The following PIK3C2B variants were observed in gnomAD, a reference collection of about 807,000 sequenced individuals.
PIK3C2B encodes the protein phosphatidylinositol-4-phosphate 3-kinase catalytic subunit type 2 beta.
A neutral mutation model predicts 184.3 loss-of-function variants in PIK3C2B; 83 were observed. That is an observed-to-expected ratio of 0.45 (90% CI 0.38 to 0.54). The LOEUF (loss-of-function observed/expected upper bound fraction) is 0.54. PIK3C2B is among the 20% of genes least tolerant of loss of function. The pLI is 0.00. For missense variants in PIK3C2B, 1,736 were observed against 2,113.5 expected, an observed-to-expected ratio of 0.82 and a Z score of 3.50; for synonymous variants, 779 against 837.6, an observed-to-expected ratio of 0.93 and a Z score of 1.21.
At position 204,423,148 on chromosome 1, in the gene PIK3C2B, C is replaced by G. The variant is rs966714441; in HGVS notation, c.*1704G>C. 6.6e-6 allele frequency: 1 copy of G among 152,088 alleles called. No individual in the cohort carries two copies. The highest frequency in any genetic ancestry group is 1.5e-5 in the Non-Finnish European group (1 of 68,002). The allele number at this position is 152,088 out of a possible 1,614,324, so 9.4% of individuals were successfully genotyped here. A position where few individuals can be genotyped will look rare whatever the true frequency, so the allele number is the denominator to read the frequency against. Reference sequence around the variant, plus strand: ...CCCTTTGGAGCGAAACACAAAAGAGCAAATGTAAAATCCATCTGGGGCGGG... The same window carrying G: ...CCCTTTGGAGCGAAACACAAAAGAGGAAATGTAAAATCCATCTGGGGCGGG... On this transcript the variant is annotated 3_prime_UTR_variant, in exon 33 of 33. Coordinates refer to ENST00000684373, the MANE Select transcript of PIK3C2B (RefSeq NM_001377334.1).
At chr1:204,454,626 G>T (rs758170382) in intron 12 of PIK3C2B, 43 bp downstream of exon 12, 1 of 1,607,776 alleles carries the variant, frequency 6.2e-7, no homozygotes, top group Non-Finnish European at 8.5e-7. Context: ...GGCTGAGCAG[G>T]TCTACAGTGG....
At chr1:204,441,669 TC>T in intron 20 of PIK3C2B, 106 bp from the exon 21 acceptor site, 1 of 665,738 alleles carries the variant, frequency 1.5e-6, no homozygotes, top group Non-Finnish European at 2.6e-6. Flanking sequence ...CTGCTGCCGG[TC>T]CACCCAAGAC....
At chr1:204,474,148 C>T (rs888713902) in intron 1 of PIK3C2B, among the ~76,000 whole-genome samples, 1 of 152,174 alleles carries the variant, frequency 6.6e-6, no homozygotes, top group Non-Finnish European at 1.5e-5. Flanking sequence ...TGCGCCACCA[C>T]GCGCAGCTAA....
intron 27 of PIK3C2B, 37 bp downstream of exon 27, chr1:204,432,163 G>T: frequency 6.3e-7 from 1 of 1,577,312 alleles, no homozygotes; most frequent in South Asian, 1.1e-5. Flanking sequence ...GGTCAGCAGA[G>T]AGCAGGAAAG....
At chr1:204,456,891 CA>C (rs1375885707) in intron 10 of PIK3C2B, 145 bp downstream of exon 10, 14 of 525,062 alleles carry the variant, frequency 2.7e-5, no homozygotes, top group South Asian at 1.4e-4. Flanking sequence ...CACACACACA[CA>C]CACACACACA....
intron 31 of PIK3C2B, among the ~76,000 whole-genome samples, chr1:204,426,964 G>A (rs998751632): frequency 1.9e-4 from 29 of 152,114 alleles, no homozygotes; most frequent in Admixed American, 1.0e-3. Context: ...AGTGAAACCC[G>A]GTCTCTAATT....
intron 1 of PIK3C2B, among the ~76,000 whole-genome samples, chr1:204,485,829 C>T (rs1168080209): frequency 6.6e-6 from 1 of 151,980 alleles, no homozygotes; most frequent in East Asian, 1.9e-4. Context: ...CCCCGGCCTC[C>T]CAAAGTGCTA....
chr1:204,447,324 G>T lies in PIK3C2B; in HGVS notation c.2489+112C>A. ...CTGGGGGCTGCCTCCACTTCCTGCT[G>T]AGATGGCAATGCCCACCCCTTCCCA... On this transcript the variant is annotated intron_variant, in intron 15 of 32. Coordinates refer to ENST00000684373, the MANE Select transcript of PIK3C2B (RefSeq NM_001377334.1). This position sits in a 1 kb window ranked among gnomAD's most constrained non-coding sequence, Gnocchi z 4.1. The T allele has an allele frequency of 9.7e-7, 1 of 1,033,294 alleles. No homozygotes were observed. The allele number at this position is 1,033,294 out of a possible 1,614,324, so 64.0% of individuals were successfully genotyped here.
chr1:204,443,726 T>C, intron 18 of PIK3C2B, 129 bp from the exon 19 acceptor site: 2 of 787,182 alleles, frequency 2.5e-6, no homozygotes, highest in Non-Finnish European at 4.3e-6. Flanking sequence ...GGAAAATACA[T>C]TCTGTATGTA....
At position 204,432,090 on chromosome 1, in the gene PIK3C2B, C is replaced by T. The variant is rs61758002; in HGVS notation, c.4155+110G>A. 229 of 975,180 alleles carry T rather than the reference C, an allele frequency of 2.3e-4. No homozygotes were observed. In the African/African-American group the frequency reaches 3.4e-3, roughly 15 times the overall value. 60.4% of individuals were successfully genotyped at this position (975,180 alleles called of 1,614,324 possible). A position where few individuals can be genotyped will look rare whatever the true frequency, so the allele number is the denominator to read the frequency against. On this transcript the variant is annotated intron_variant, in intron 27 of 32. Transcript: ENST00000684373. ...GTCCAGGACTGCTCCCAGCACAGGACGCTCGGTCAACTCCTGTGCCCACTG... is the reference window on the plus strand; with the variant it reads ...GTCCAGGACTGCTCCCAGCACAGGATGCTCGGTCAACTCCTGTGCCCACTG...
At chr1:204,487,307 T>A (rs1267999340) in intron 1 of PIK3C2B, among the ~76,000 whole-genome samples, 4 of 152,228 alleles carry the variant, frequency 2.6e-5, no homozygotes, top group African/African-American at 9.6e-5. Flanking sequence ...TCTCGTTCCA[T>A]TGCTCAAGAT....
rs61762618 is a variant in PIK3C2B at position 204,449,348 on chromosome 1, A to AT, written c.2235-53dup. The stretch of plus-strand genomic sequence containing the variant: ...CTGCTAAAGTGGCTAAGCAGAGAAT[A>AT]TTTCTACTGCTCCCCCAATCCAAAA... On this transcript the variant is annotated intron_variant, in intron 13 of 32. Transcript: ENST00000684373. 2.5e-3 allele frequency: 3,357 copies of AT among 1,324,952 alleles called. 53 individuals carry two copies. The African/African-American group carries it at 0.037, about 15-fold the overall frequency. The allele number at this position is 1,324,952 out of a possible 1,614,324, so 82.1% of individuals were successfully genotyped here. A position where few individuals can be genotyped will look rare whatever the true frequency, so the allele number is the denominator to read the frequency against.
chr1:204,451,776 G>A (rs1459417542), intron 12 of PIK3C2B, among the ~76,000 whole-genome samples: 2 of 152,166 alleles, frequency 1.3e-5, no homozygotes, highest in Non-Finnish European at 1.5e-5. Context: ...ATTTTCATGC[G>A]CACGTATCCC....
chr1:204,426,568 T>C (rs1010772770), intron 31 of PIK3C2B, among the ~76,000 whole-genome samples: 9 of 152,366 alleles, frequency 5.9e-5, no homozygotes, highest in South Asian at 2.1e-4. Flanking sequence ...CTCTGCTTTA[T>C]TTCTTGCCAT....
intron 3 of PIK3C2B, 57 bp downstream of exon 3, chr1:204,465,162 C>CCCCCCA: frequency 1.4e-6 from 1 of 709,968 alleles, no homozygotes; most frequent in Admixed American, 1.9e-5. Context: ...AAATGGATGG[C>CCCCCCA]CCCCCTCCCC....
intron 16 of PIK3C2B, among the ~76,000 whole-genome samples, chr1:204,445,260 C>T (rs1355656145): frequency 6.6e-6 from 1 of 150,768 alleles, no homozygotes; most frequent in Non-Finnish European, 1.5e-5. Flanking sequence ...ATGTGCATGC[C>T]AAAGCAGGGA....
At position 204,440,259 on chromosome 1, in the gene PIK3C2B, GA is replaced by G; in HGVS notation, c.3311del (p.Ile1104ThrfsTer28). On this transcript the variant is annotated frameshift_variant, in exon 22 of 33. Coordinates refer to ENST00000684373, the MANE Select transcript of PIK3C2B (RefSeq NM_001377334.1). LOFTEE classifies it high-confidence loss of function. ...GCATGTCCAGCCCCTCCTGGACCCAGATCTTGCTCATGATGCGAATCATCTG... is the reference window on the plus strand; with the variant it reads ...GCATGTCCAGCCCCTCCTGGACCCAGTCTTGCTCATGATGCGAATCATCTG... ...TLQMIRIMSK[I>X]WVQEGLDMRM... The G allele has an allele frequency of 1.2e-6, 2 of 1,611,394 alleles. No homozygotes were observed. Among genetic ancestry groups the G allele is most frequent in the Non-Finnish European group, 1.7e-6 (2 of 1,178,620 alleles).
chr1:204,426,117 G>A (rs1163548046), intron 31 of PIK3C2B, among the ~76,000 whole-genome samples: 1 of 152,192 alleles, frequency 6.6e-6, no homozygotes, highest in Admixed American at 6.5e-5. Flanking sequence ...GTAGAGACAT[G>A]AGTCACAGAG....
chr1:204,472,476 T>C (rs1479801157), intron 1 of PIK3C2B, among the ~76,000 whole-genome samples: 1 of 146,400 alleles, frequency 6.8e-6, no homozygotes. Flanking sequence ...CTGGGGGAAG[T>C]TTTAAAAAGT....
Sources: gnomAD v4.1 joint callset for allele counts (sites outside exome capture counted in the v4.1 genomes callset) on GRCh38, gnomAD v4.1.1 for gene constraint, Gnocchi (gnomAD v3.1) non-coding constraint, MANE v1.5 for transcripts, NCBI Gene and HGNC (gene_info 2026-07-23, HGNC 2026-07-21) for gene names.